RAD51B: variants seen among roughly 807,000 people sequenced by gnomAD.
RAD51B encodes DNA repair protein RAD51 homolog 2.
In RAD51B, 38 loss-of-function variants were observed where a neutral mutation model predicts 42.2. The ratio of observed to expected loss-of-function variants is 0.90; its 90% CI spans 0.70 to 1.18. The LOEUF (loss-of-function observed/expected upper bound fraction) is 1.18. Among genes scored for constraint, RAD51B ranks in the 50% most tolerant of loss-of-function variants. RAD51B has a pLI of 0.00. For missense variants in RAD51B, 373 were observed against 400.7 expected (o/e 0.93, Z 0.59); for synonymous variants, 154 against 145.2 (o/e 1.06, Z -0.43).
At chr14:67,946,442 C>T (rs1438625716) in intron 7 of RAD51B, among the ~76,000 whole-genome samples, 1 of 151,990 alleles carries the variant, frequency 6.6e-6, no homozygotes, top group Non-Finnish European at 1.5e-5. Context: ...AATCTCGGCT[C>T]ACTGCAACCT....
intron 8 of RAD51B, among the ~76,000 whole-genome samples, chr14:68,353,722 T>C (rs1220538646): frequency 6.6e-6 from 1 of 152,230 alleles, no homozygotes; most frequent in Non-Finnish European, 1.5e-5. Flanking sequence ...TGAGCCATTG[T>C]TGTCTGGCTG....
At chr14:68,122,960 AACAC>A (rs145099242) in intron 7 of RAD51B, among the ~76,000 whole-genome samples, 94 of 150,132 alleles carry the variant, frequency 6.3e-4, no homozygotes, top group African/African-American at 1.9e-3. Flanking sequence ...GTATAAAACA[AACAC>A]ACACACACAC....
At chr14:68,177,052 A>G (rs1187963727) in intron 7 of RAD51B, among the ~76,000 whole-genome samples, 3 of 152,206 alleles carry the variant, frequency 2.0e-5, no homozygotes, top group Admixed American at 2.0e-4. Flanking sequence ...TCTAGAGTGT[A>G]ACTGCCAGAA....
chr14:68,404,564 C>G (rs1033072218), intron 8 of RAD51B, among the ~76,000 whole-genome samples: 5 of 152,130 alleles, frequency 3.3e-5, no homozygotes, highest in African/African-American at 1.2e-4. Flanking sequence ...GTTTCCCTAC[C>G]TCCCTCTCTC....
chr14:68,231,273 C>T (rs1484776615), intron 7 of RAD51B, among the ~76,000 whole-genome samples: 1 of 152,046 alleles, frequency 6.6e-6, no homozygotes, highest in Non-Finnish European at 1.5e-5. Flanking sequence ...TCTCTCTTTG[C>T]CTCTGTTCCT....
chr14:67,980,671 C>T (rs1310881733), intron 7 of RAD51B, among the ~76,000 whole-genome samples: 1 of 152,024 alleles, frequency 6.6e-6, no homozygotes. Context: ...ACAGATGGTG[C>T]TAAAACAATT....
intron 7 of RAD51B, among the ~76,000 whole-genome samples, chr14:67,986,459 CAT>C (rs1402763381): frequency 5.3e-5 from 8 of 152,142 alleles, no homozygotes; most frequent in African/African-American, 1.9e-4. Flanking sequence ...TACTAGTTGA[CAT>C]GTGTAATTTC....
intron 7 of RAD51B, among the ~76,000 whole-genome samples, chr14:68,246,303 GAA>G (rs960728056): frequency 1.4e-5 from 2 of 145,904 alleles, no homozygotes; most frequent in Non-Finnish European, 3.0e-5. Context: ...GGAAAGCCTT[GAA>G]AAAAAAAAAT....
chr14:68,639,585 G>A (rs913994494), intron 10 of RAD51B, among the ~76,000 whole-genome samples: 11 of 152,262 alleles, frequency 7.2e-5, no homozygotes, highest in Admixed American at 3.3e-4. Flanking sequence ...CAGGCAGAGC[G>A]TCTATATTTA....
intron 7 of RAD51B, among the ~76,000 whole-genome samples, chr14:68,194,038 T>C (rs1262024929): frequency 6.6e-6 from 1 of 152,180 alleles, no homozygotes; most frequent in Non-Finnish European, 1.5e-5. Context: ...CCAATGACAG[T>C]TATTGGATTT....
At chr14:68,417,448 A>G (rs2084589580) in intron 9 of RAD51B, among the ~76,000 whole-genome samples, 2 of 152,218 alleles carry the variant, frequency 1.3e-5, no homozygotes, top group Admixed American at 1.3e-4. Context: ...CTCAAGTGTG[A>G]AATCCAAGCC....
intron 11 of RAD51B, among the ~76,000 whole-genome samples, chr14:68,653,265 A>T (rs968171306): frequency 3.3e-5 from 5 of 152,204 alleles, no homozygotes; most frequent in African/African-American, 4.8e-5. Flanking sequence ...AGACTGGAGG[A>T]TGCCTGGAGG....
At chr14:67,895,614 A>G (rs760841517) in intron 7 of RAD51B, among the ~76,000 whole-genome samples, 12 of 152,172 alleles carry the variant, frequency 7.9e-5, no homozygotes, top group Non-Finnish European at 1.8e-4. Context: ...CAGAGAAACT[A>G]TTTGTTTTGT....
At chr14:68,674,763 A>G (rs1367662420) in intron 11 of RAD51B, among the ~76,000 whole-genome samples, 1 of 152,176 alleles carries the variant, frequency 6.6e-6, no homozygotes, top group Admixed American at 6.5e-5. Flanking sequence ...CATATGTTCC[A>G]TAAGTAGACC....
intron 7 of RAD51B, among the ~76,000 whole-genome samples, chr14:68,020,013 G>C (rs935329867): frequency 7.5e-4 from 114 of 152,320 alleles, no homozygotes; most frequent in African/African-American, 2.7e-3. Context: ...GCTGAGCATA[G>C]TGTACCCAGC....
At chr14:68,207,913 T>C (rs1039463027) in intron 7 of RAD51B, among the ~76,000 whole-genome samples, 9 of 152,210 alleles carry the variant, frequency 5.9e-5, no homozygotes, top group African/African-American at 2.2e-4. Context: ...TTTAATGTTT[T>C]GGGGACATTT....
At chr14:68,246,507 T>C (rs1414930183) in intron 7 of RAD51B, among the ~76,000 whole-genome samples, 1 of 152,134 alleles carries the variant, frequency 6.6e-6, no homozygotes, top group East Asian at 1.9e-4. Flanking sequence ...GGGGCTTCCA[T>C]GTGGGAAGAA....
Position 68,210,976 on chromosome 14 carries a change from CAG to C in RAD51B, c.757-80906_757-80905del, listed in dbSNP as rs147367904. Among the ~76,000 whole-genome samples, 20 of 152,314 alleles carry C rather than the reference CAG, an allele frequency of 1.3e-4. No homozygotes were observed. In the East Asian group the frequency reaches 3.9e-3, roughly 29 times the overall value. On this transcript the variant is annotated intron_variant, in intron 7 of 10. Coordinates refer to ENST00000471583, the MANE Select transcript of RAD51B (RefSeq NM_133510.4). The stretch of plus-strand genomic sequence containing the variant: ...ATTTTCGCATTCCATTCTTTACTAA[CAG>C]AATGGTTTCACTTCATTTCCAGTCA...
chr14:67,970,868 TC>T (rs1466659327), intron 7 of RAD51B, among the ~76,000 whole-genome samples: 1 of 152,082 alleles, frequency 6.6e-6, no homozygotes, highest in Non-Finnish European at 1.5e-5. Flanking sequence ...TCAGTGTACT[TC>T]TTTTCAAAAT....
Sources: gnomAD v4.1 joint callset for allele counts (sites outside exome capture counted in the v4.1 genomes callset) on GRCh38, gnomAD v4.1.1 for gene constraint, MANE v1.5 for transcripts, NCBI Gene and HGNC (gene_info 2026-07-23, HGNC 2026-07-21) for gene names.